Variants in HERPUD2 observed in about 807,000 individuals in gnomAD.
HERPUD2 encodes homocysteine-responsive endoplasmic reticulum-resident ubiquitin-like domain member 2 protein.
A neutral mutation model predicts 49.9 loss-of-function variants in HERPUD2; 13 were observed. That is an observed-to-expected ratio of 0.26 (90% CI 0.17 to 0.41). HERPUD2 has a LOEUF of 0.41. HERPUD2 is among the 10% of genes least tolerant of loss of function. HERPUD2 has a pLI of 1.00. For missense variants in HERPUD2, 449 were observed against 492.2 expected, an observed-to-expected ratio of 0.91 and a Z score of 0.83; for synonymous variants, 172 against 171.4, an observed-to-expected ratio of 1.00 and a Z score of -0.03.
At chr7:35,648,554 G>C (rs886341836) in intron 5 of HERPUD2, among the ~76,000 whole-genome samples, 1 of 152,150 alleles carries the variant, frequency 6.6e-6, no homozygotes, top group Admixed American at 6.5e-5. Context: ...ATGTAATTTT[G>C]CAATACTTCC....
At chr7:35,662,995 T>C (rs1484317866) in intron 5 of HERPUD2, among the ~76,000 whole-genome samples, 1 of 152,264 alleles carries the variant, frequency 6.6e-6, no homozygotes, top group African/African-American at 2.4e-5. Flanking sequence ...CTGCTTTCTC[T>C]TGTGGGCATT....
intron 5 of HERPUD2, among the ~76,000 whole-genome samples, chr7:35,659,772 C>T (rs1165581817): frequency 2.6e-5 from 4 of 152,142 alleles, no homozygotes; most frequent in Non-Finnish European, 4.4e-5. Flanking sequence ...CTAGGTGAAG[C>T]TCAAATATCT....
intron 5 of HERPUD2, among the ~76,000 whole-genome samples, chr7:35,650,881 A>C (rs1178191754): frequency 6.6e-6 from 1 of 152,148 alleles, no homozygotes; most frequent in East Asian, 1.9e-4. Context: ...GCAGCTGCAC[A>C]AACCACCAGG....
chr7:35,660,934 T>C (rs1471948495), intron 5 of HERPUD2, among the ~76,000 whole-genome samples: 1 of 152,240 alleles, frequency 6.6e-6, no homozygotes, highest in Non-Finnish European at 1.5e-5. Flanking sequence ...TTTGGTGTTT[T>C]AGACATGAAG....
intron 5 of HERPUD2, among the ~76,000 whole-genome samples, chr7:35,650,304 C>G (rs1415634465): frequency 6.6e-6 from 1 of 152,106 alleles, no homozygotes; most frequent in African/African-American, 2.4e-5. Context: ...TGGAAAGGCT[C>G]CCCAGTGCAG....
At chr7:35,683,147 C>T (rs1785951988) in intron 2 of HERPUD2, among the ~76,000 whole-genome samples, 1 of 152,156 alleles carries the variant, frequency 6.6e-6, no homozygotes, top group Non-Finnish European at 1.5e-5. Context: ...AATCTGGAGG[C>T]ATCACATTAC....
chr7:35,635,280 C>T lies in HERPUD2; in HGVS notation c.796G>A (p.Val266Ile). The change falls in exon 7 of 9, where the codon GTA becomes ATA. Residue 266 changes from valine (V) to isoleucine (I), a missense_variant. Val to Ile is a conservative substitution (Grantham distance 29, BLOSUM62 3). Coordinates refer to ENST00000311350, the MANE Select transcript of HERPUD2 (RefSeq NM_022373.5). Reference protein sequence around the residue: ...NVQMNAQGGPVLNEEDFNRDW... With the variant: ...NVQMNAQGGPILNEEDFNRDW... Reference sequence around the variant, plus strand: ...CGATTGAAGTCTTCTTCATTTAGTACTGGACCTCCCTGTGCATTCATTTGA... The same window carrying T: ...CGATTGAAGTCTTCTTCATTTAGTATTGGACCTCCCTGTGCATTCATTTGA... 6.2e-7 allele frequency: 1 copy of T among 1,614,158 alleles called. No individual in the cohort carries two copies. The highest frequency in any genetic ancestry group is 8.5e-7 in the Non-Finnish European group (1 of 1,180,030).
Position 35,694,269 on chromosome 7 carries a change from TATTTCTG to T in HERPUD2, c.55_61del (p.Gln19ThrfsTer10). On this transcript the variant is annotated frameshift_variant, in exon 2 of 9. Coordinates refer to ENST00000311350, the MANE Select transcript of HERPUD2 (RefSeq NM_022373.5). LOFTEE classifies it high-confidence loss of function. ...GAAGCAGCTAATAGTCTGGTCACTG[TATTTCTG>T]ATTCGGTGCTTTAATGATGAGGGTC... The T allele has an allele frequency of 6.2e-7, 1 of 1,614,108 alleles. No homozygotes were observed. The highest frequency in any genetic ancestry group is 8.5e-7 in the Non-Finnish European group (1 of 1,179,990).
intron 5 of HERPUD2, among the ~76,000 whole-genome samples, chr7:35,647,214 A>C (rs929073801): frequency 1.3e-5 from 2 of 152,090 alleles, no homozygotes; most frequent in African/African-American, 4.8e-5. Flanking sequence ...TGTTCCCAGA[A>C]GCCTCCTTTT....
At chr7:35,693,353 C>T (rs1252891240) in intron 2 of HERPUD2, among the ~76,000 whole-genome samples, 1 of 151,984 alleles carries the variant, frequency 6.6e-6, no homozygotes, top group Non-Finnish European at 1.5e-5. Context: ...GTGGTGAAAA[C>T]GAATCTACAA....
intron 5 of HERPUD2, among the ~76,000 whole-genome samples, chr7:35,652,918 C>G (rs928307089): frequency 5.9e-5 from 9 of 152,076 alleles, no homozygotes; most frequent in African/African-American, 2.2e-4. Context: ...ATAAAACCCA[C>G]TGGTAGAGCA....
chr7:35,660,711 T>C (rs1287206243), intron 5 of HERPUD2, among the ~76,000 whole-genome samples: 1 of 152,224 alleles, frequency 6.6e-6, no homozygotes, highest in Non-Finnish European at 1.5e-5. Context: ...CTTTGCCCAC[T>C]TGTTGATGGG....
intron 6 of HERPUD2, among the ~76,000 whole-genome samples, chr7:35,636,785 G>A (rs1784877063): frequency 6.6e-6 from 1 of 152,168 alleles, no homozygotes; most frequent in Non-Finnish European, 1.5e-5. Flanking sequence ...GAGAATCAGT[G>A]GATATCTGGG....
intron 2 of HERPUD2, among the ~76,000 whole-genome samples, chr7:35,673,619 T>C (rs1785689646): frequency 6.6e-6 from 1 of 152,158 alleles, no homozygotes; most frequent in Non-Finnish European, 1.5e-5. Context: ...TTCAAGACTA[T>C]ATAAATGAGA....
rs757239294 is a variant in HERPUD2 at position 35,670,322 on chromosome 7, C to T, written c.232G>A (p.Glu78Lys). 2 of 1,446,814 alleles carry T rather than the reference C, an allele frequency of 1.4e-6. No individual in the cohort carries two copies. Among genetic ancestry groups the T allele is most frequent in the Non-Finnish European group, 1.9e-6 (2 of 1,071,144 alleles). The allele number at this position is 1,446,814 out of a possible 1,614,324, so 89.6% of individuals were successfully genotyped here. The change falls in exon 4 of 9, where the codon GAG (glutamate) becomes AAG (lysine). Residue 78 changes from glutamate to lysine, a missense_variant. By Grantham distance (56) the Glu-to-Lys change is moderately conservative (BLOSUM62 1). Coordinates refer to ENST00000311350, the MANE Select transcript of HERPUD2 (RefSeq NM_022373.5). Reference protein sequence around the residue: ...QLKDILRKQDEYHMVHLVCTS... With the variant: ...QLKDILRKQDKYHMVHLVCTS... ...CATACTAGATGAACCATATGATACT[C>T]ATCTTGCTAAAATTAAAGAAGATTA...
At chr7:35,670,383 A>G in intron 3 of HERPUD2, 55 bp from the exon 4 acceptor site, 1 of 766,236 alleles carries the variant, frequency 1.3e-6, no homozygotes, top group Non-Finnish European at 2.0e-6. Flanking sequence ...GTACAGTTCA[A>G]AAAGTCAGTA....
chr7:35,663,481 T>G (rs926075630), intron 5 of HERPUD2, among the ~76,000 whole-genome samples: 1 of 152,226 alleles, frequency 6.6e-6, no homozygotes, highest in African/African-American at 2.4e-5. Flanking sequence ...CTCGTTGATC[T>G]GTCTAATGTT....
At chr7:35,692,783 CCTAA>C (rs1206806034) in intron 2 of HERPUD2, among the ~76,000 whole-genome samples, 1 of 152,124 alleles carries the variant, frequency 6.6e-6, no homozygotes, top group Non-Finnish European at 1.5e-5. Context: ...AGTCTAAAAG[CCTAA>C]CTAAACTTAA....
chr7:35,645,526 T>C (rs1374037852), intron 5 of HERPUD2, among the ~76,000 whole-genome samples: 1 of 152,168 alleles, frequency 6.6e-6, no homozygotes, highest in Non-Finnish European at 1.5e-5. Context: ...AAAAACAAGA[T>C]ATAGGCTAGT....
Sources: allele counts gnomAD v4.1 joint callset (sites outside exome capture counted in the v4.1 genomes callset), GRCh38; gene constraint gnomAD v4.1.1; transcripts MANE v1.5; gene names NCBI Gene and HGNC (gene_info 2026-07-23, HGNC 2026-07-21).